The following STAB2 variants were observed in gnomAD, a reference collection of about 807,000 sequenced individuals.
STAB2 encodes stabilin-2.
Under a neutral mutation model 338.1 loss-of-function variants are expected in STAB2, and 288 were observed. The ratio of observed to expected loss-of-function variants is 0.85; its 90% CI spans 0.77 to 0.94. The LOEUF is 0.94. Ranked by LOEUF, STAB2 falls within the 40% of genes least tolerant of loss-of-function variation. STAB2 has a pLI of 0.00. For synonymous variants in STAB2, 1,202 were observed against 1,193.3 expected, an observed-to-expected ratio of 1.01 and a Z score of -0.15; for missense variants, 3,141 against 3,210.1, an observed-to-expected ratio of 0.98 and a Z score of 0.52.
chr12:103,733,638 T>C (rs548004589), intron 51 of STAB2, among the ~76,000 whole-genome samples: 12 of 152,216 alleles, frequency 7.9e-5, no homozygotes, highest in South Asian at 6.2e-4. Context: ...CACGATCATA[T>C]AGAAACTAGC....
chr12:103,747,107 C>T (rs1204521752), intron 58 of STAB2, among the ~76,000 whole-genome samples: 2 of 152,002 alleles, frequency 1.3e-5, no homozygotes, highest in Non-Finnish European at 2.9e-5. Context: ...CAGGCATGCG[C>T]CACCGCACCT....
chr12:103,675,780 A>G (rs1876284278), intron 23 of STAB2, 148 bp from the exon 24 acceptor site: 1 of 582,994 alleles, frequency 1.7e-6, no homozygotes, highest in Non-Finnish European at 3.0e-6. Context: ...TCCCAGAAGT[A>G]CCCCGACCAC....
chr12:103,757,230 A>G (rs1884199644), intron 63 of STAB2, among the ~76,000 whole-genome samples: 1 of 151,528 alleles, frequency 6.6e-6, no homozygotes, highest in African/African-American at 2.4e-5. Context: ...CTGGGACTAC[A>G]GGCACACACC....
Position 103,708,435 on chromosome 12 carries a change from A to C in STAB2, c.4193-6A>C. 1 of 1,613,808 alleles carries C rather than the reference A, an allele frequency of 6.2e-7. No homozygotes were observed. On this transcript the variant is annotated splice_polypyrimidine_tract_variant and splice_region_variant and intron_variant, in intron 38 of 68. Coordinates refer to ENST00000388887, the MANE Select transcript of STAB2 (RefSeq NM_017564.10). ...CTGACGATTTGCAGGTGATTTTCCC[A>C]CTTAGCATGTTCTTGTGTCCATGGG...
chr12:103,677,010 C>T (rs899216775), intron 24 of STAB2, among the ~76,000 whole-genome samples: 1 of 152,200 alleles, frequency 6.6e-6, no homozygotes, highest in African/African-American at 2.4e-5. Context: ...CTCATTCTGT[C>T]CTCCAGCCTC....
chr12:103,624,102 A>G (rs1449334525), intron 5 of STAB2, among the ~76,000 whole-genome samples: 4 of 152,206 alleles, frequency 2.6e-5, no homozygotes, highest in African/African-American at 7.2e-5. Flanking sequence ...AAGAAAACCT[A>G]TGCACACACA....
At chr12:103,667,130 T>TTAG (rs1875183000) in intron 19 of STAB2, among the ~76,000 whole-genome samples, 1 of 152,188 alleles carries the variant, frequency 6.6e-6, no homozygotes, top group African/African-American at 2.4e-5. Context: ...AATAGATCAT[T>TTAG]AGGTAAGGTT....
intron 3 of STAB2, among the ~76,000 whole-genome samples, chr12:103,615,596 C>T (rs1172604558): frequency 2.0e-5 from 3 of 152,144 alleles, no homozygotes; most frequent in Admixed American, 2.0e-4. Flanking sequence ...CTAAGAGGTG[C>T]TTGTTAATGG....
intron 41 of STAB2, 120 bp downstream of exon 41, chr12:103,712,563 T>C (rs2139007443): frequency 1.3e-6 from 1 of 749,130 alleles, no homozygotes; most frequent in Non-Finnish European, 2.4e-6. Flanking sequence ...GATGGTGAAT[T>C]GTATGTAATG....
chr12:103,606,077 T>C (rs1033595849), intron 3 of STAB2, among the ~76,000 whole-genome samples: 2 of 152,144 alleles, frequency 1.3e-5, no homozygotes, highest in African/African-American at 4.8e-5. Flanking sequence ...TTCTTTTGTA[T>C]TAATTAATTC....
In STAB2 at chr12:103,730,207, C is replaced by G. The variant is rs1194081369; in HGVS notation, c.5174C>G (p.Ser1725Cys). 1 of 1,613,530 alleles carries G rather than the reference C, an allele frequency of 6.2e-7. No individual in the cohort carries two copies. The highest frequency in any genetic ancestry group is 1.3e-5 in the African/African-American group (1 of 74,882). The change falls in exon 49 of 69, where the codon TCT becomes TGT. Residue 1725 changes from serine (S) to cysteine (C), a missense_variant. Physicochemically the swap from Ser to Cys is moderately radical, Grantham distance 112 (BLOSUM62 -1). Coordinates refer to ENST00000388887, the MANE Select transcript of STAB2 (RefSeq NM_017564.10). ...GIVHIIDKLL[S>C]PKNLLITPKD... is the part of the protein sequence containing the mutation. ...GTTCATATCATAGACAAATTGCTAT[C>G]TCCCAAAAATTTGCTTATCACTCCC...
intron 5 of STAB2, among the ~76,000 whole-genome samples, chr12:103,630,863 C>G (rs1159961757): frequency 6.6e-6 from 1 of 152,212 alleles, no homozygotes; most frequent in Non-Finnish European, 1.5e-5. Context: ...CTTCTCACCT[C>G]CAGAATTATA....
chr12:103,762,456 C>T, intron 67 of STAB2, 54 bp downstream of exon 67: 1 of 1,612,716 alleles, frequency 6.2e-7, no homozygotes, highest in Non-Finnish European at 8.5e-7. Context: ...AAACCCAGTC[C>T]CTGGACCTGG....
chr12:103,709,293 A>G (rs551602609), intron 39 of STAB2, among the ~76,000 whole-genome samples: 10 of 152,188 alleles, frequency 6.6e-5, no homozygotes, highest in Non-Finnish European at 1.5e-4. Flanking sequence ...GAATGAGAGG[A>G]CTTTAAGGGC....
chr12:103,678,481 C>A (rs979960037), intron 25 of STAB2, among the ~76,000 whole-genome samples: 18 of 152,172 alleles, frequency 1.2e-4, no homozygotes, highest in Non-Finnish European at 2.2e-4. Context: ...CCACCTCCTA[C>A]CTTCCCTTTC....
intron 5 of STAB2, among the ~76,000 whole-genome samples, chr12:103,623,348 G>A (rs1410128935): frequency 6.6e-6 from 1 of 152,154 alleles, no homozygotes; most frequent in Non-Finnish European, 1.5e-5. Context: ...TACCTTACAT[G>A]GCAAAGAGAA....
rs1190128205 is a variant in STAB2 at position 103,685,461 on chromosome 12, CGTGTGTGTGTGCGTGCGCGCAT to C, written c.2997+389_2997+410del. On this transcript the variant is annotated intron_variant, in intron 27 of 68. Transcript: ENST00000388887. The stretch of plus-strand genomic sequence containing the variant: ...GTGTGTGTGTGTGTGTGTGCGCGTG[CGTGTGTGTGTGCGTGCGCGCAT>C]GTGTGTGTGTGTGTACACACTTCTT... Among the ~76,000 whole-genome samples, 9 of 108,202 alleles carry C rather than the reference CGTGTGTGTGTGCGTGCGCGCAT, an allele frequency of 8.3e-5. No individual in the cohort carries two copies. In the East Asian group the frequency reaches 1.2e-3, roughly 14 times the overall value. The allele number at this position is 108,202 out of a possible 152,430, so 71.0% of individuals were successfully genotyped here.
chr12:103,620,608 C>G, intron 4 of STAB2, 55 bp downstream of exon 4: 3 of 1,396,074 alleles, frequency 2.1e-6, no homozygotes, highest in Non-Finnish European at 3.0e-6. Flanking sequence ...ATCTTCTTAC[C>G]TGTTGATCCT....
intron 58 of STAB2, among the ~76,000 whole-genome samples, chr12:103,747,551 A>G (rs2139155051): frequency 7.8e-6 from 1 of 127,928 alleles, no homozygotes; most frequent in Non-Finnish European, 1.7e-5. Flanking sequence ...CCCTTTAAGA[A>G]TGCAAACTAG....
Sources: gnomAD v4.1 joint callset for allele counts (sites outside exome capture counted in the v4.1 genomes callset) on GRCh38, gnomAD v4.1.1 for gene constraint, MANE v1.5 for transcripts, NCBI Gene and HGNC (gene_info 2026-07-23, HGNC 2026-07-21) for gene names.